Variants in TRDN observed in about 807,000 individuals in gnomAD.
TRDN encodes the protein triadin in skeletal muscle.
In TRDN, 161 loss-of-function variants were observed where a neutral mutation model predicts 149.7. The ratio of observed to expected loss-of-function variants is 1.08; its 90% CI spans 0.95 to 1.23. The LOEUF (loss-of-function observed/expected upper bound fraction) is 1.23. Ranked by LOEUF, TRDN falls within the 50% of genes most tolerant of loss-of-function variation. The pLI is 0.00. For synonymous variants in TRDN, 294 were observed against 250.5 expected, an observed-to-expected ratio of 1.17 and a Z score of -1.64; for missense variants, 896 against 823.5, an observed-to-expected ratio of 1.09 and a Z score of -1.08.
intron 38 of TRDN, among the ~76,000 whole-genome samples, chr6:123,224,872 A>G (rs938363258): frequency 2.0e-5 from 3 of 151,794 alleles, no homozygotes; most frequent in Non-Finnish European, 4.4e-5. Flanking sequence ...CACTAAAAGT[A>G]TAGGCAACAA....
chr6:123,456,538 G>A (rs1353229972), intron 10 of TRDN, among the ~76,000 whole-genome samples: 2 of 150,712 alleles, frequency 1.3e-5, no homozygotes, highest in Non-Finnish European at 3.0e-5. Flanking sequence ...GTGGGATCTC[G>A]GCTCACTGCA....
At chr6:123,435,183 ACT>A (rs1367707737) in intron 12 of TRDN, among the ~76,000 whole-genome samples, 1 of 151,150 alleles carries the variant, frequency 6.6e-6, no homozygotes, top group East Asian at 1.9e-4. Flanking sequence ...TCACAATAAC[ACT>A]CATATATTAA....
chr6:123,396,182 CA>C (rs1772723438), intron 12 of TRDN, among the ~76,000 whole-genome samples: 1 of 152,176 alleles, frequency 6.6e-6, no homozygotes, highest in Admixed American at 6.5e-5. Flanking sequence ...TTAATCCAGA[CA>C]GACAAATTTT....
chr6:123,494,578 TAGTC>T (rs1184171507), intron 9 of TRDN, among the ~76,000 whole-genome samples: 3 of 152,216 alleles, frequency 2.0e-5, no homozygotes, highest in Non-Finnish European at 4.4e-5. Context: ...TAATGCATGT[TAGTC>T]ATTTATTAAT....
At chr6:123,275,725 G>A (rs1777347002) in intron 26 of TRDN, among the ~76,000 whole-genome samples, 2 of 152,106 alleles carry the variant, frequency 1.3e-5, no homozygotes, top group Admixed American at 1.3e-4. Context: ...TTGCTTTGAA[G>A]AGATTATTGG....
At chr6:123,434,711 T>C (rs1348626548) in intron 12 of TRDN, among the ~76,000 whole-genome samples, 1 of 152,142 alleles carries the variant, frequency 6.6e-6, no homozygotes, top group African/African-American at 2.4e-5. Context: ...GCTTTTTTCA[T>C]GGTATTTCTT....
chr6:123,366,663 G>C (rs7754271), intron 19 of TRDN, among the ~76,000 whole-genome samples: 1 of 151,624 alleles, frequency 6.6e-6, no homozygotes, highest in East Asian at 1.9e-4. Flanking sequence ...GACTACAACC[G>C]CCCGCCACCA....
chr6:123,631,712 TTTC>T (rs1377303188), intron 1 of TRDN, among the ~76,000 whole-genome samples: 1 of 152,010 alleles, frequency 6.6e-6, no homozygotes, highest in Non-Finnish European at 1.5e-5. Flanking sequence ...CTCTGTTTTT[TTTC>T]TTAACTCTTT....
At chr6:123,462,845 G>C (rs185634250) in intron 10 of TRDN, 77 of 152,136 alleles carry the variant, frequency 5.1e-4, no homozygotes, top group African/African-American at 1.8e-3. Flanking sequence ...TGTTAACGAA[G>C]TCATAGGCAG....
chr6:123,461,866 A>AG (rs1300701302), intron 10 of TRDN, among the ~76,000 whole-genome samples: 2 of 152,202 alleles, frequency 1.3e-5, no homozygotes, highest in Non-Finnish European at 2.9e-5. Context: ...ACCTCACATA[A>AG]GTCAGCCCAA....
chr6:123,328,172 C>A (rs942760474), intron 23 of TRDN, among the ~76,000 whole-genome samples: 3 of 152,206 alleles, frequency 2.0e-5, no homozygotes, highest in African/African-American at 7.2e-5. Context: ...CCTTCTCTCA[C>A]CCAGAATCCC....
chr6:123,436,573 A>C (rs1199694290), intron 12 of TRDN, among the ~76,000 whole-genome samples: 1 of 151,990 alleles, frequency 6.6e-6, no homozygotes, highest in East Asian at 1.9e-4. Flanking sequence ...TTGACATCCT[A>C]TGTATGCTCT....
At chr6:123,424,476 C>T (rs1309462336) in intron 12 of TRDN, among the ~76,000 whole-genome samples, 7 of 152,006 alleles carry the variant, frequency 4.6e-5, no homozygotes, top group Non-Finnish European at 1.0e-4. Flanking sequence ...AATTAGCTTT[C>T]TGTCTGCGTT....
intron 1 of TRDN, among the ~76,000 whole-genome samples, chr6:123,604,029 T>TTACC (rs751074145): frequency 6.6e-5 from 10 of 152,062 alleles, no homozygotes; most frequent in Non-Finnish European, 1.2e-4. Flanking sequence ...AACAGATGAG[T>TTACC]TACCGAAAGA....
chr6:123,269,962 A>T (rs1777151392), intron 30 of TRDN, 96 bp from the exon 31 acceptor site: 1 of 1,205,266 alleles, frequency 8.3e-7, no homozygotes, highest in African/African-American at 1.5e-5. Context: ...TCTTAGTTTT[A>T]GGTCACCTCC....
intron 38 of TRDN, among the ~76,000 whole-genome samples, chr6:123,238,931 C>T (rs1025153255): frequency 1.3e-5 from 2 of 152,160 alleles, no homozygotes; most frequent in Non-Finnish European, 2.9e-5. Context: ...AACTCCACCT[C>T]CTGGGTTCAA....
rs1229125908 is a variant in TRDN, at chr6:123,299,965, C to A, written c.1510+16492G>T. Among the ~76,000 whole-genome samples the A allele has an allele frequency of 2.6e-5, 4 of 152,076 alleles. 1 individual carries two copies. The highest frequency in any genetic ancestry group is 6.8e-3 in the Middle Eastern group (2 of 294). ...ATTTCTGAACATTCTGTCAGAGTAA[C>A]TTACAAATTAGCTTAGAAACAGAAT... is the stretch of plus-strand genomic sequence containing the variant. On this transcript the variant is annotated intron_variant, in intron 24 of 40. Transcript: ENST00000334268.
intron 1 of TRDN, among the ~76,000 whole-genome samples, chr6:123,577,432 G>A (rs922106559): frequency 1.3e-5 from 2 of 152,074 alleles, no homozygotes; most frequent in East Asian, 3.9e-4. Flanking sequence ...GTTTCCTAAA[G>A]ATAATAGCCT....
chr6:123,339,017 T>C (rs1779971845), intron 21 of TRDN, among the ~76,000 whole-genome samples: 1 of 152,044 alleles, frequency 6.6e-6, no homozygotes, highest in Non-Finnish European at 1.5e-5. Context: ...GGGTTTTTTT[T>C]TGTTTTTGTT....
Sources: gnomAD v4.1 joint callset for allele counts (sites outside exome capture counted in the v4.1 genomes callset) on GRCh38, gnomAD v4.1.1 for gene constraint, MANE v1.5 for transcripts, NCBI Gene and HGNC (gene_info 2026-07-23, HGNC 2026-07-21) for gene names.